Variants in FANCA observed in about 807,000 individuals in gnomAD.
FANCA encodes the protein Fanconi anemia group A protein.
In FANCA, 236 loss-of-function variants were observed where a neutral mutation model predicts 194.3. That is an observed-to-expected ratio of 1.21 (90% CI 1.09 to 1.35). The LOEUF is 1.35. Ranked by LOEUF, FANCA falls within the 40% of genes most tolerant of loss-of-function variation. The probability of loss-of-function intolerance (pLI) is 0.00; values close to 1 mark genes in which losing one functional copy is unlikely to be tolerated. For synonymous variants in FANCA, 1,014 were observed against 715.8 expected (o/e 1.42, Z -6.65); for missense variants, 2,628 against 1,813.9 (o/e 1.45, Z -8.15).
intron 5 of FANCA, among the ~76,000 whole-genome samples, chr16:89,809,422 A>C (rs1392842615): frequency 1.3e-5 from 2 of 152,016 alleles, no homozygotes; most frequent in Non-Finnish European, 2.9e-5. Context: ...GCTGGATAAA[A>C]GAATGGGAAA....
chr16:89,755,178 G>C (rs954282120), intron 30 of FANCA, among the ~76,000 whole-genome samples: 9 of 151,602 alleles, frequency 5.9e-5, no homozygotes, highest in Admixed American at 3.9e-4. Flanking sequence ...ATGGCCACAA[G>C]CAACAGAATA....
chr16:89,746,444 T>G (rs1044925867), intron 35 of FANCA, 140 bp downstream of exon 35: 31 of 620,942 alleles, frequency 5.0e-5, no homozygotes, highest in Non-Finnish European at 8.0e-5. Flanking sequence ...CATCTTTAAC[T>G]GTGGCTTCCA....
At chr16:89,768,711 T>C (rs1452043140) in intron 26 of FANCA, among the ~76,000 whole-genome samples, 1 of 151,796 alleles carries the variant, frequency 6.6e-6, no homozygotes, top group Non-Finnish European at 1.5e-5. Context: ...ACACCAAATA[T>C]ATATTTCATT....
chr16:89,773,559 G>A (rs914380320), intron 21 of FANCA, among the ~76,000 whole-genome samples, 175 bp from the exon 22 acceptor site: 2 of 152,038 alleles, frequency 1.3e-5, no homozygotes, highest in Non-Finnish European at 2.9e-5. Context: ...CCTGATGCTG[G>A]ATGCCACATC....
At chr16:89,739,108 A>T in intron 41 of FANCA, 25 bp downstream of exon 41, 1 of 1,613,972 alleles carries the variant, frequency 6.2e-7, no homozygotes, top group Non-Finnish European at 8.5e-7. Context: ...GCTCCCCTGG[A>T]GGTGGGACTG....
Position 89,771,739 on chromosome 16 carries a change from A to C in FANCA, c.2090T>G (p.Val697Gly). The change falls in exon 23 of 43, where the codon GTT (valine) becomes GGT (glycine). Residue 697 changes from valine to glycine, a missense_variant. Physicochemically the swap from Val to Gly is moderately radical, Grantham distance 109. Coordinates refer to ENST00000389301, the MANE Select transcript of FANCA (RefSeq NM_000135.4). The part of the protein sequence containing the change: ...VLGHNEDDSS[V>G]EISKIQLSIN... ...GCTGAGCTGAATCTTTGATATCTCA[A>C]CGCTGCTGTCATCCTCATTGTGGCC... The C allele has an allele frequency of 6.2e-7, 1 of 1,614,068 alleles. No homozygotes were observed. Among genetic ancestry groups the C allele is most frequent in the South Asian group, 1.1e-5 (1 of 91,060 alleles).
intron 14 of FANCA, among the ~76,000 whole-genome samples, chr16:89,787,979 T>G (rs557015965): frequency 6.6e-6 from 1 of 151,976 alleles, no homozygotes; most frequent in South Asian, 2.1e-4. Flanking sequence ...GTTCAAGGAA[T>G]TCTCCTGCCT....
At chr16:89,761,018 G>A (rs1167928485) in intron 29 of FANCA, among the ~76,000 whole-genome samples, 1 of 152,138 alleles carries the variant, frequency 6.6e-6, no homozygotes, top group Non-Finnish European at 1.5e-5. Flanking sequence ...CATATGGGCA[G>A]GCTTGTTTAT....
chr16:89,794,833 A>T (rs2040190020), intron 11 of FANCA, among the ~76,000 whole-genome samples: 1 of 152,246 alleles, frequency 6.6e-6, no homozygotes, highest in Admixed American at 6.5e-5. Flanking sequence ...CACTGGGCAG[A>T]CGATGCCTGG....
At chr16:89,744,747 C>G in intron 36 of FANCA, 1 of 606,272 alleles carries the variant, frequency 1.6e-6, no homozygotes, top group South Asian at 1.8e-5. Flanking sequence ...AACTCCACCT[C>G]CTGGGTTCAA....
Position 89,740,085 on chromosome 16 carries a change from C to T in FANCA, c.3843G>A (p.Leu1281=), listed in dbSNP as rs768380959. 14 of 1,614,054 alleles carry T rather than the reference C, an allele frequency of 8.7e-6. No individual in the cohort carries two copies. The highest frequency in any genetic ancestry group is 1.2e-5 in the Non-Finnish European group (14 of 1,180,036). The change falls in exon 39 of 43, where the codon CTG becomes CTA. Residue 1281 remains leucine (L), a synonymous_variant. Transcript: ENST00000389301. ...SHLTSNSTTD[L]PKAFHVCAAI... ...CTGCACAAACGTGGAAAGCCTTTGG[C>T]AGGTCTGTGGTGCTCTGTAAACCGC...
At chr16:89,763,836 G>C (rs979900302) in intron 28 of FANCA, among the ~76,000 whole-genome samples, 6 of 152,012 alleles carry the variant, frequency 3.9e-5, no homozygotes, top group African/African-American at 4.8e-5. Flanking sequence ...GGGAGGCTGA[G>C]GCAGGAGAAT....
At chr16:89,755,393 T>C (rs1453431165) in intron 30 of FANCA, among the ~76,000 whole-genome samples, 1 of 151,792 alleles carries the variant, frequency 6.6e-6, no homozygotes, top group Non-Finnish European at 1.5e-5. Context: ...TTTGTATTTT[T>C]TTAGTTTCGC....
At chr16:89,773,715 G>C (rs2039400949) in intron 21 of FANCA, among the ~76,000 whole-genome samples, 1 of 151,990 alleles carries the variant, frequency 6.6e-6, no homozygotes, top group African/African-American at 2.4e-5. Context: ...ATCGAGGGCT[G>C]GCGAGGGTGG....
chr16:89,755,976 TC>T (rs748180617), intron 30 of FANCA, among the ~76,000 whole-genome samples: 10 of 151,916 alleles, frequency 6.6e-5, no homozygotes, highest in South Asian at 2.1e-4. Context: ...GGCCCACCGC[TC>T]CCAGGCTATA....
At chr16:89,783,547 T>C (rs938564509) in intron 15 of FANCA, among the ~76,000 whole-genome samples, 9 of 147,586 alleles carry the variant, frequency 6.1e-5, no homozygotes, top group African/African-American at 2.3e-4. Flanking sequence ...TGAGACTTCA[T>C]TTCCAAAAAA....
chr16:89,759,422 G>A (rs998770890), intron 29 of FANCA, among the ~76,000 whole-genome samples: 5 of 149,264 alleles, frequency 3.3e-5, no homozygotes, highest in African/African-American at 7.4e-5. Flanking sequence ...GAAGCAACCT[G>A]CATCCAGACT....
At position 89,738,966 on chromosome 16, in the gene FANCA, G is replaced by C. The variant is rs776860862; in HGVS notation, c.4176C>G (p.Pro1392=). 4 of 1,614,186 alleles carry C rather than the reference G, an allele frequency of 2.5e-6. No individual in the cohort carries two copies. The highest frequency in any genetic ancestry group is 3.4e-6 in the Non-Finnish European group (4 of 1,180,030). ...GACGAGCTTTTGTTATCAGTTCCAC[G>C]GGGTTGCCCTAGAGAGAAAACAGGC... ...RSLELKGQGN[P]VELITKARLF... is the part of the protein sequence containing the mutation. Residue 1392 remains proline (P), a synonymous_variant, in exon 42 of 43, where the codon CCC becomes CCG. Transcript: ENST00000389301.
At chr16:89,787,869 T>TA (rs562178247) in intron 14 of FANCA, among the ~76,000 whole-genome samples, 8,183 of 148,398 alleles carry the variant, frequency 0.055, 746 homozygotes, top group African/African-American at 0.19. Context: ...TTCCTAAAAG[T>TA]AAAAAAAAAA....
Sources: gnomAD v4.1 joint callset for allele counts (sites outside exome capture counted in the v4.1 genomes callset) on GRCh38, gnomAD v4.1.1 for gene constraint, MANE v1.5 for transcripts, NCBI Gene and HGNC (gene_info 2026-07-23, HGNC 2026-07-21) for gene names.